RFWD3: variants seen among roughly 807,000 people sequenced by gnomAD.
RFWD3 encodes the protein E3 ubiquitin-protein ligase RFWD3.
RFWD3 carries 65 observed loss-of-function variants against 87.7 expected under a neutral mutation model. The observed-to-expected ratio is 0.74, with a 90% CI of 0.61 to 0.91. RFWD3 has a LOEUF of 0.91. Among genes scored for constraint, RFWD3 ranks in the 40% least tolerant of loss-of-function variants. The pLI is 0.00. For missense variants in RFWD3, 1,078 were observed against 938.5 expected, an observed-to-expected ratio of 1.15 and a Z score of -1.94; for synonymous variants, 433 against 352.8, an observed-to-expected ratio of 1.23 and a Z score of -2.55.
At chr16:74,656,323 A>G (rs888545665) in intron 2 of RFWD3, among the ~76,000 whole-genome samples, 7 of 144,878 alleles carry the variant, frequency 4.8e-5, no homozygotes, top group Non-Finnish European at 1.1e-4. Flanking sequence ...AAAAAAAAAA[A>G]AAAAAAAAGA....
intron 1 of RFWD3, chr16:74,666,355 G>A (rs946729393): frequency 6.6e-6 from 1 of 152,146 alleles, no homozygotes; most frequent in African/African-American, 2.4e-5. Context: ...CACAGTTTCC[G>A]TGATGAAATT....
At chr16:74,647,127 A>G (rs373703489) in intron 4 of RFWD3, among the ~76,000 whole-genome samples, 4 of 152,314 alleles carry the variant, frequency 2.6e-5, no homozygotes, top group African/African-American at 9.6e-5. Flanking sequence ...GATAACAGAA[A>G]GCTCTCCAAG....
intron 10 of RFWD3, among the ~76,000 whole-genome samples, chr16:74,629,736 C>G (rs1267288408): frequency 6.6e-6 from 1 of 151,382 alleles, no homozygotes; most frequent in East Asian, 1.9e-4. Flanking sequence ...AGAATTATTA[C>G]TTTAGTGGTA....
intron 11 of RFWD3, 128 bp downstream of exon 11, chr16:74,628,324 A>G: frequency 1.3e-6 from 1 of 798,734 alleles, no homozygotes; most frequent in African/African-American, 1.7e-5. Flanking sequence ...TAGTAGCAAG[A>G]GCTACAACAC....
intron 6 of RFWD3, among the ~76,000 whole-genome samples, chr16:74,640,926 G>A (rs1046475461): frequency 1.3e-5 from 2 of 152,028 alleles, no homozygotes; most frequent in Non-Finnish European, 2.9e-5. Context: ...GCGACAGAGC[G>A]AGACTCTGTC....
chr16:74,665,447 G>A (rs1326882861), intron 1 of RFWD3, among the ~76,000 whole-genome samples: 2 of 152,024 alleles, frequency 1.3e-5, no homozygotes, highest in East Asian at 1.9e-4. Context: ...GTGTGGTGGC[G>A]CATGCCTGTA....
chr16:74,633,220 T>A (rs185268046), intron 8 of RFWD3, among the ~76,000 whole-genome samples: 2 of 141,808 alleles, frequency 1.4e-5, no homozygotes, highest in East Asian at 4.1e-4. Flanking sequence ...GAGGTTGTAG[T>A]GAGACAAGAT....
At chr16:74,652,618 T>C (rs1960654174) in intron 2 of RFWD3, among the ~76,000 whole-genome samples, 1 of 152,194 alleles carries the variant, frequency 6.6e-6, no homozygotes, top group Non-Finnish European at 1.5e-5. Flanking sequence ...TTTTAAAATT[T>C]AAATAATGTT....
At chr16:74,640,567 T>G (rs985795997) in intron 6 of RFWD3, among the ~76,000 whole-genome samples, 3 of 152,020 alleles carry the variant, frequency 2.0e-5, no homozygotes, top group Non-Finnish European at 2.9e-5. Context: ...ATGCTGAGGT[T>G]GGAGGACTGC....
chr16:74,650,209 G>C (rs1208006491), intron 3 of RFWD3, among the ~76,000 whole-genome samples: 1 of 152,144 alleles, frequency 6.6e-6, no homozygotes, highest in Non-Finnish European at 1.5e-5. Flanking sequence ...TTTAGGTCTA[G>C]AAAGATGTTC....
chr16:74,648,792 A>G (rs984837650), intron 4 of RFWD3, among the ~76,000 whole-genome samples: 3 of 152,080 alleles, frequency 2.0e-5, no homozygotes, highest in African/African-American at 7.2e-5. Flanking sequence ...AAGAAAAAAA[A>G]GGGGATATTC....
Position 74,624,066 on chromosome 16 carries a change from C to T in RFWD3, c.2187G>A (p.Trp729Ter). The change falls in exon 13 of 13, where the codon TGG (tryptophan) becomes TGA (stop). Residue 729 changes from tryptophan (W) to a stop codon, truncating the protein, a stop_gained. Transcript: ENST00000361070. LOFTEE classifies it high-confidence loss of function. ...GGAGCAACGAGCCACTGGCAGCATC[C>T]CACAGCTAAAGAACACAAGCAGAGG... ...GDEAANSALL[W>*]DAASGSLLQD... The T allele has an allele frequency of 6.2e-7, 1 of 1,613,748 alleles. No individual in the cohort carries two copies. The highest frequency in any genetic ancestry group is 8.5e-7 in the Non-Finnish European group (1 of 1,179,898).
intron 2 of RFWD3, among the ~76,000 whole-genome samples, chr16:74,659,887 T>C (rs1046006396): frequency 6.6e-6 from 1 of 152,114 alleles, no homozygotes; most frequent in Non-Finnish European, 1.5e-5. Context: ...ATCTCAATAT[T>C]TTCACAGTGT....
At chr16:74,660,431 C>T (rs758728283) in intron 2 of RFWD3, among the ~76,000 whole-genome samples, 91 of 152,072 alleles carry the variant, frequency 6.0e-4, no homozygotes, top group Non-Finnish European at 1.2e-3. Flanking sequence ...CCAGCCTGGA[C>T]GACAGAGTGA....
chr16:74,645,373 T>C (rs1238173205), intron 4 of RFWD3, among the ~76,000 whole-genome samples: 1 of 152,262 alleles, frequency 6.6e-6, no homozygotes, highest in Non-Finnish European at 1.5e-5. Flanking sequence ...CATGCATTGC[T>C]TGACAATGGG....
intron 8 of RFWD3, among the ~76,000 whole-genome samples, chr16:74,635,530 C>T (rs904051696): frequency 4.0e-5 from 6 of 151,358 alleles, no homozygotes; most frequent in Admixed American, 3.9e-4. Context: ...TTAAGGGGAA[C>T]AAGGACAAAT....
intron 1 of RFWD3, chr16:74,666,284 G>A (rs973595739): frequency 6.6e-6 from 1 of 152,210 alleles, no homozygotes; most frequent in Non-Finnish European, 1.5e-5. Flanking sequence ...CTTTGGGCGG[G>A]TTTCCTAAAC....
chr16:74,656,127 T>C (rs1960955848), intron 2 of RFWD3, among the ~76,000 whole-genome samples: 1 of 151,732 alleles, frequency 6.6e-6, no homozygotes, highest in African/African-American at 2.4e-5. Context: ...TGAAATAACA[T>C]CTCTACAAAA....
At chr16:74,663,194 G>A (rs985536925) in intron 1 of RFWD3, among the ~76,000 whole-genome samples, 4 of 152,082 alleles carry the variant, frequency 2.6e-5, no homozygotes, top group African/African-American at 4.8e-5. Flanking sequence ...ATGAGCCACC[G>A]CGCCCGGCCA....
Sources: allele counts gnomAD v4.1 joint callset (sites outside exome capture counted in the v4.1 genomes callset), GRCh38; gene constraint gnomAD v4.1.1; transcripts MANE v1.5; gene names NCBI Gene and HGNC (gene_info 2026-07-23, HGNC 2026-07-21).